The following MTPAP variants were observed in gnomAD, a reference collection of about 807,000 sequenced individuals.
MTPAP encodes poly(A) RNA polymerase, mitochondrial.
Under a neutral mutation model 48.7 loss-of-function variants are expected in MTPAP, and 23 were observed. The ratio of observed to expected loss-of-function variants is 0.47; its 90% CI spans 0.34 to 0.67. MTPAP has a LOEUF of 0.67. Among genes scored for constraint, MTPAP ranks in the 30% least tolerant of loss-of-function variants. The pLI is 0.01. For synonymous variants in MTPAP, 257 were observed against 254.1 expected (o/e 1.01, Z -0.11); for missense variants, 614 against 694.3 (o/e 0.88, Z 1.30).
Position 30,313,316 on chromosome 10 carries a change from AAATCCT to A in MTPAP, c.*287_*292del, listed in dbSNP as rs1840619593. 5.1e-6 allele frequency: 2 copies of A among 394,892 alleles called. No homozygotes were observed. The highest frequency in any genetic ancestry group is 4.1e-5 in the Admixed American group (1 of 24,246). The allele number at this position is 394,892 out of a possible 1,614,324, so 24.5% of individuals were successfully genotyped here. A position where few individuals can be genotyped will look rare whatever the true frequency, so the allele number is the denominator to read the frequency against. ...TGCTATGTTGTCCACGATGGATTCA[AAATCCT>A]GGGCTCAAGAGATCCTCCTGCCTCA... On this transcript the variant is annotated 3_prime_UTR_variant, in exon 9 of 9. Coordinates refer to ENST00000263063, the MANE Select transcript of MTPAP (RefSeq NM_018109.4).
rs1230545018 is a variant in MTPAP at position 30,339,986 on chromosome 10, CAACATCTACTCA to C, written c.555+228_555+239del. 1.7e-5 allele frequency: 9 copies of C among 533,814 alleles called. No individual in the cohort carries two copies. The East Asian group carries it at 2.7e-4, about 16-fold the overall frequency. 33.1% of individuals were successfully genotyped at this position (533,814 alleles called of 1,614,324 possible). A position where few individuals can be genotyped will look rare whatever the true frequency, so the allele number is the denominator to read the frequency against. ...CAATACCATCTCAAATGTCAAAACT[CAACATCTACTCA>C]ATGTGTTGAGCATGACGACATTCTT... is the stretch of plus-strand genomic sequence containing the variant. On this transcript the variant is annotated intron_variant, in intron 3 of 8. Transcript: ENST00000263063.
At chr10:30,332,084 A>T (rs1003535924) in intron 4 of MTPAP, among the ~76,000 whole-genome samples, 1 of 152,258 alleles carries the variant, frequency 6.6e-6, no homozygotes, top group Non-Finnish European at 1.5e-5. Context: ...AGAGCTCATG[A>T]ATGCAGAAAG....
At chr10:30,328,442 C>T (rs1588716137) in intron 4 of MTPAP, among the ~76,000 whole-genome samples, 1 of 152,130 alleles carries the variant, frequency 6.6e-6, no homozygotes, top group Admixed American at 6.6e-5. Flanking sequence ...TTAGAAATTA[C>T]GTCAAAGGAA....
chr10:30,322,504 C>T lies in MTPAP; in HGVS notation c.1106G>A (p.Ser369Asn). ...ATTTGTAATCCATGCACCAGGAATACTACTTGTTAGTGAATGTGCTCGAGC... is the reference window on the plus strand; with the variant it reads ...ATTTGTAATCCATGCACCAGGAATATTACTTGTTAGTGAATGTGCTCGAGC... ...CWARAHSLTSSIPGAWITNFS... is the reference protein window; with the variant it reads ...CWARAHSLTSNIPGAWITNFS... The change falls in exon 6 of 9, where the codon AGT becomes AAT. Residue 369 changes from serine to asparagine, a missense_variant. Coordinates refer to ENST00000263063, the MANE Select transcript of MTPAP (RefSeq NM_018109.4). The T allele has an allele frequency of 6.2e-7, 1 of 1,613,846 alleles. No individual in the cohort carries two copies. Among genetic ancestry groups the T allele is most frequent in the Non-Finnish European group, 8.5e-7 (1 of 1,179,752 alleles).
intron 4 of MTPAP, among the ~76,000 whole-genome samples, chr10:30,327,941 C>G (rs187571563): frequency 6.6e-6 from 1 of 151,618 alleles, no homozygotes; most frequent in Non-Finnish European, 1.5e-5. Context: ...TGAGTGAATG[C>G]TTTTACGATC....
intron 4 of MTPAP, among the ~76,000 whole-genome samples, chr10:30,327,679 C>G (rs963334546): frequency 4.0e-5 from 6 of 151,686 alleles, no homozygotes; most frequent in Non-Finnish European, 7.4e-5. Context: ...AACCCCGTCT[C>G]TACTAAAAAT....
At position 30,310,905 on chromosome 10, in the gene MTPAP, A is replaced by T. The variant is rs946767794; in HGVS notation, c.*2704T>A. ...CAGAGCAAGATTTGCTCTCAAAAAA[A>T]AAAACAAAAAACAAGTCTTTGTAGA... On this transcript the variant is annotated 3_prime_UTR_variant, in exon 9 of 9. Coordinates refer to ENST00000263063, the MANE Select transcript of MTPAP (RefSeq NM_018109.4). The T allele has an allele frequency of 1.3e-5, 2 of 152,048 alleles. No individual in the cohort carries two copies. Among genetic ancestry groups the T allele is most frequent in the African/African-American group, 4.8e-5 (2 of 41,376 alleles). 9.4% of individuals were successfully genotyped at this position (152,048 alleles called of 1,614,324 possible).
Position 30,309,981 on chromosome 10 carries a change from T to C in MTPAP, c.*3628A>G, listed in dbSNP as rs1386689744. 6.6e-6 allele frequency: 1 copy of C among 152,214 alleles called. No homozygotes were observed. Among genetic ancestry groups the C allele is most frequent in the Non-Finnish European group, 1.5e-5 (1 of 68,026 alleles). The allele number at this position is 152,214 out of a possible 1,614,324, so 9.4% of individuals were successfully genotyped here. On this transcript the variant is annotated 3_prime_UTR_variant, in exon 9 of 9. Transcript: ENST00000263063. ...CTCCAGGAATTATACTAGTGGGCTA[T>C]AGCTGAAATCGTTTTGATCTGGGTA...
chr10:30,312,543 C>T lies in MTPAP; in HGVS notation c.*1066G>A, dbSNP rs1378976932. 7.0e-6 allele frequency: 1 copy of T among 143,062 alleles called. No individual in the cohort carries two copies. Among genetic ancestry groups the T allele is most frequent in the Non-Finnish European group, 1.5e-5 (1 of 66,988 alleles). The allele number at this position is 143,062 out of a possible 1,614,324, so 8.9% of individuals were successfully genotyped here. ...CGAGATTGCGCCACTGCACTCTAGC[C>T]TGGGCGACAGAGCGAGACTCTGTCT... On this transcript the variant is annotated 3_prime_UTR_variant, in exon 9 of 9. Coordinates refer to ENST00000263063, the MANE Select transcript of MTPAP (RefSeq NM_018109.4).
At chr10:30,333,787 T>C (rs1057219437) in intron 4 of MTPAP, among the ~76,000 whole-genome samples, 2 of 151,936 alleles carry the variant, frequency 1.3e-5, no homozygotes, top group African/African-American at 4.8e-5. Context: ...AAGCCTGAAG[T>C]CTCAATCACA....
intron 6 of MTPAP, among the ~76,000 whole-genome samples, chr10:30,317,926 T>C (rs1363868662): frequency 6.6e-6 from 1 of 152,132 alleles, no homozygotes; most frequent in African/African-American, 2.4e-5. Context: ...GGCGTGACCT[T>C]GGCTCACTGC....
rs531430758 is a variant in MTPAP, at chr10:30,335,775, C to T, written c.780+1028G>A. 2.4e-4 allele frequency among the ~76,000 whole-genome samples: 37 copies of T among 151,866 alleles called. No individual in the cohort carries two copies. In the Middle Eastern group the frequency reaches 0.017, roughly 70 times the overall value. ...CTGTAATCCCAGCACTTTAGGAGGC[C>T]GAGGGGTGTGGATCACCTGAGGTCA... On this transcript the variant is annotated intron_variant, in intron 4 of 8. Coordinates refer to ENST00000263063, the MANE Select transcript of MTPAP (RefSeq NM_018109.4).
At position 30,342,281 on chromosome 10, in the gene MTPAP, CAATTCT is replaced by C. The variant is rs567103590; in HGVS notation, c.158-647_158-642del. On this transcript the variant is annotated intron_variant, in intron 1 of 8. Coordinates refer to ENST00000263063, the MANE Select transcript of MTPAP (RefSeq NM_018109.4). ...AACAACAACTAATAATGAAATAGAACAATTCTAATATACTGTAATAAAAGTTATATG... is the reference window on the plus strand; with the variant it reads ...AACAACAACTAATAATGAAATAGAACAATATACTGTAATAAAAGTTATATG... 1.1e-3 allele frequency among the ~76,000 whole-genome samples: 160 copies of C among 152,222 alleles called. 2 individuals carry two copies. Among genetic ancestry groups the C allele is most frequent in the Admixed American group, 2.8e-3 (43 of 15,278 alleles).
chr10:30,335,775 C>A (rs531430758), intron 4 of MTPAP, among the ~76,000 whole-genome samples: 1 of 151,748 alleles, frequency 6.6e-6, no homozygotes, highest in Admixed American at 6.6e-5. Flanking sequence ...TTTAGGAGGC[C>A]GAGGGGTGTG....
At chr10:30,347,401 C>T (rs1321906264) in intron 1 of MTPAP, among the ~76,000 whole-genome samples, 2 of 152,202 alleles carry the variant, frequency 1.3e-5, no homozygotes, top group African/African-American at 2.4e-5. Flanking sequence ...AAATCACATG[C>T]TTCTAGGTGA....
chr10:30,332,120 G>A (rs1282979150), intron 4 of MTPAP, among the ~76,000 whole-genome samples: 1 of 152,180 alleles, frequency 6.6e-6, no homozygotes, highest in Non-Finnish European at 1.5e-5. Context: ...TTATGAATCT[G>A]ATGAATGTAA....
chr10:30,333,025 G>T (rs1384154003), intron 4 of MTPAP, among the ~76,000 whole-genome samples: 1 of 152,064 alleles, frequency 6.6e-6, no homozygotes, highest in Non-Finnish European at 1.5e-5. Flanking sequence ...GGAGGCTGAG[G>T]CAGGAGAATA....
intron 4 of MTPAP, among the ~76,000 whole-genome samples, chr10:30,329,550 A>G (rs189080933): frequency 1.3e-5 from 2 of 152,094 alleles, no homozygotes; most frequent in Admixed American, 6.6e-5. Flanking sequence ...TGGGTTCTTG[A>G]TGGTTTACAC....
Position 30,328,852 on chromosome 10 carries a change from T to C in MTPAP, c.781-2217A>G, listed in dbSNP as rs112660563. 3.9e-3 allele frequency among the ~76,000 whole-genome samples: 596 copies of C among 151,766 alleles called. 2 individuals are homozygous for C. The highest frequency in any genetic ancestry group is 0.014 in the African/African-American group (565 of 41,394). ...AAAAAGAAAAGAAAATCAGTGCGGG[T>C]AGGGAGGAAGGAGTTAAGGACAGAG... On this transcript the variant is annotated intron_variant, in intron 4 of 8. Coordinates refer to ENST00000263063, the MANE Select transcript of MTPAP (RefSeq NM_018109.4).
Sources: gnomAD v4.1 joint callset for allele counts (sites outside exome capture counted in the v4.1 genomes callset) on GRCh38, gnomAD v4.1.1 for gene constraint, MANE v1.5 for transcripts, NCBI Gene and HGNC (gene_info 2026-07-23, HGNC 2026-07-21) for gene names.